The following WDR11 variants were observed in gnomAD, a reference collection of about 807,000 sequenced individuals.
WDR11 encodes WD repeat domain 11, also known as WD repeat-containing protein 11.
Under a neutral mutation model 151.2 loss-of-function variants are expected in WDR11, and 83 were observed. That is an observed-to-expected ratio of 0.55 (90% CI 0.46 to 0.66). The LOEUF (loss-of-function observed/expected upper bound fraction) is 0.66, where lower values mean the gene tolerates loss of function less well. Ranked by LOEUF, WDR11 falls within the 30% of genes least tolerant of loss-of-function variation. The probability of loss-of-function intolerance (pLI) is 0.00; values close to 1 mark genes in which losing one functional copy is unlikely to be tolerated. For missense variants in WDR11, 1,301 were observed against 1,480.9 expected, an observed-to-expected ratio of 0.88 and a Z score of 1.99; for synonymous variants, 484 against 533.1, an observed-to-expected ratio of 0.91 and a Z score of 1.27.
chr10:120,902,766 C>T (rs1303628366), intron 22 of WDR11, among the ~76,000 whole-genome samples: 2 of 151,896 alleles, frequency 1.3e-5, no homozygotes, highest in African/African-American at 4.9e-5. Flanking sequence ...AATCAATGGC[C>T]CACATTGAAA....
At position 120,851,468 on chromosome 10, in the gene WDR11, G is replaced by T; in HGVS notation, c.48G>T (p.Thr16=). 1.9e-6 allele frequency: 3 copies of T among 1,612,268 alleles called. No homozygotes were observed. Among genetic ancestry groups the T allele is most frequent in the Non-Finnish European group, 2.5e-6 (3 of 1,179,756 alleles). ...VNFKVSARTL[T]GALNAHNKAA... is the part of the protein sequence containing the mutation. ...TCAAGGTGTCGGCGCGCACCCTCAC[G>T]GGGGCCCTCAACGCCCACAACAAGG... The change falls in exon 1 of 29, where the codon ACG becomes ACT. Residue 16 remains threonine, a synonymous_variant. Coordinates refer to ENST00000263461, the MANE Select transcript of WDR11 (RefSeq NM_018117.12).
At position 120,865,063 on chromosome 10, in the gene WDR11, C is replaced by T. The variant is rs1473746646; in HGVS notation, c.730C>T (p.Leu244Phe). 2 of 1,613,772 alleles carry T rather than the reference C, an allele frequency of 1.2e-6. No homozygotes were observed. Among genetic ancestry groups the T allele is most frequent in the Non-Finnish European group, 1.7e-6 (2 of 1,179,846 alleles). The change falls in exon 6 of 29, where the codon CTC (leucine) becomes TTC (phenylalanine). Residue 244 changes from leucine (L) to phenylalanine (F), a missense_variant. Around this residue, in one of 3 missense-constraint regions of WDR11, gnomAD observed 692 missense variants for 762.5 expected, o/e 0.91. Transcript: ENST00000263461. ...QEKPSAEFIT[L>F]NDCLQLAYLP... The stretch of plus-strand genomic sequence containing the variant: ...TTTTTTCAGTGCTGAATTCATAACT[C>T]TCAATGATTGCCTTCAGTTGGCATA...
intron 19 of WDR11, among the ~76,000 whole-genome samples, chr10:120,894,426 T>C (rs530295032): frequency 2.9e-4 from 44 of 152,208 alleles, no homozygotes; most frequent in Admixed American, 5.2e-4. Flanking sequence ...GACTTGCCGA[T>C]GTGGGGAGGT....
intron 15 of WDR11, 126 bp downstream of exon 15, chr10:120,886,064 C>A: frequency 8.3e-7 from 1 of 1,207,710 alleles, no homozygotes; most frequent in African/African-American, 1.5e-5. Context: ...TACTTAGTTT[C>A]ATCTTTCAGT....
At position 120,908,419 on chromosome 10, in the gene WDR11, G is replaced by C. The variant is rs1848154135; in HGVS notation, c.3518-137G>C. On this transcript the variant is annotated intron_variant, in intron 28 of 28. Coordinates refer to ENST00000263461, the MANE Select transcript of WDR11 (RefSeq NM_018117.12). ...GCGAAAAGTCTCCTGTGTTCATCCT[G>C]TGCTGCCCGCTGTGGACACCAGGTC... 6 of 877,066 alleles carry C rather than the reference G, an allele frequency of 6.8e-6. No homozygotes were observed. The African/African-American group carries it at 9.9e-5, about 14-fold the overall frequency. The allele number at this position is 877,066 out of a possible 1,614,324, so 54.3% of individuals were successfully genotyped here.
chr10:120,868,833 G>A (rs977576649), intron 9 of WDR11: 1 of 152,136 alleles, frequency 6.6e-6, no homozygotes, highest in Non-Finnish European at 1.5e-5. Context: ...CTTTTGTTCA[G>A]TGATACTTAC....
intron 4 of WDR11, among the ~76,000 whole-genome samples, chr10:120,862,151 T>TG (rs35270762): frequency 0.3 from 45,272 of 150,574 alleles, 7,227 homozygotes; most frequent in East Asian, 0.41. Context: ...TTTTTGTTTT[T>TG]TTTTTTTGAG....
intron 20 of WDR11, 54 bp from the exon 21 acceptor site, chr10:120,900,982 T>TA: frequency 8.0e-7 from 1 of 1,245,172 alleles, no homozygotes; most frequent in Non-Finnish European, 1.2e-6. Flanking sequence ...GGTGAAGAAA[T>TA]ACGTGGTTTT....
chr10:120,900,134 A>C lies in WDR11; in HGVS notation c.2621A>C (p.His874Pro). ...WNGQYSLDIS[H>P]VDYPENEEIK... ...GGACAGTATTCTTTGGACATTTCTC[A>C]TGTGTAAGTTTTTCACTTTTCTTTT... Residue 874 changes from histidine (H) to proline (P), a missense_variant, in exon 20 of 29, where the codon CAT (histidine) becomes CCT (proline). Around this residue, in one of 3 missense-constraint regions of WDR11, gnomAD observed 589 missense variants for 670.6 expected, o/e 0.88. Transcript: ENST00000263461. The C allele has an allele frequency of 1.2e-6, 2 of 1,610,634 alleles. No homozygotes were observed. The highest frequency in any genetic ancestry group is 1.3e-5 in the African/African-American group (1 of 74,936).
At position 120,886,734 on chromosome 10, in the gene WDR11, C is replaced by G. The variant is rs1395064793; in HGVS notation, c.2019C>G (p.Ile673Met). Residue 673 changes from isoleucine to methionine, a missense_variant, in exon 16 of 29, where the codon ATC becomes ATG. Coordinates refer to ENST00000263461, the MANE Select transcript of WDR11 (RefSeq NM_018117.12). Reference protein sequence around the residue: ...AESKSELSQNISAREHFVFTD... With the variant: ...AESKSELSQNMSAREHFVFTD... Reference sequence around the variant, plus strand: ...GTAAATCTGAACTTAGTCAGAACATCTCTGCCCGGGAACATTTTGTATTTA... The same window carrying G: ...GTAAATCTGAACTTAGTCAGAACATGTCTGCCCGGGAACATTTTGTATTTA... The G allele has an allele frequency of 2.5e-6, 4 of 1,614,022 alleles. No homozygotes were observed. The highest frequency in any genetic ancestry group is 3.4e-6 in the Non-Finnish European group (4 of 1,179,972).
At chr10:120,869,785 T>TTTTTA (rs144533860) in intron 9 of WDR11, among the ~76,000 whole-genome samples, 46,425 of 150,892 alleles carry the variant, frequency 0.31, 7,452 homozygotes, top group Admixed American at 0.41. Flanking sequence ...TATTTCATCT[T>TTTTTA]TTTTATTTTA....
intron 23 of WDR11, among the ~76,000 whole-genome samples, chr10:120,903,588 A>G (rs1224687905): frequency 6.6e-6 from 1 of 152,108 alleles, no homozygotes; most frequent in Admixed American, 6.6e-5. Context: ...AGATTTGAAA[A>G]GCTCATAGAC....
At chr10:120,888,127 A>C (rs1417690458) in intron 16 of WDR11, among the ~76,000 whole-genome samples, 1 of 152,226 alleles carries the variant, frequency 6.6e-6, no homozygotes, top group Non-Finnish European at 1.5e-5. Flanking sequence ...TTGTACAATA[A>C]ATGCAAAAAT....
intron 19 of WDR11, among the ~76,000 whole-genome samples, chr10:120,899,227 C>G (rs1019104027): frequency 2.0e-5 from 3 of 152,108 alleles, no homozygotes; most frequent in African/African-American, 7.2e-5. Context: ...AAGATAGCCC[C>G]TGTGTTCAAC....
Position 120,866,890 on chromosome 10 carries a change from G to T in WDR11, c.1190+126G>T, listed in dbSNP as rs1011214604. 1.6e-5 allele frequency: 19 copies of T among 1,180,690 alleles called. No homozygotes were observed. In the African/African-American group the frequency reaches 2.8e-4, roughly 17 times the overall value. 73.1% of individuals were successfully genotyped at this position (1,180,690 alleles called of 1,614,324 possible). A position where few individuals can be genotyped will look rare whatever the true frequency, so the allele number is the denominator to read the frequency against. ...AAATATTTTTAAGGTAATAATTAAGGCTTTAGATTATTAGGGAATTATGTA... is the reference window on the plus strand; with the variant it reads ...AAATATTTTTAAGGTAATAATTAAGTCTTTAGATTATTAGGGAATTATGTA... On this transcript the variant is annotated intron_variant, in intron 8 of 28. Coordinates refer to ENST00000263461, the MANE Select transcript of WDR11 (RefSeq NM_018117.12).
At chr10:120,889,670 A>C in intron 17 of WDR11, 1 of 550,790 alleles carries the variant, frequency 1.8e-6, no homozygotes, top group Non-Finnish European at 3.3e-6. Context: ...CCTTGAGCCA[A>C]GCATTCTTAG....
At chr10:120,861,653 T>C (rs1223186037) in intron 4 of WDR11, among the ~76,000 whole-genome samples, 1 of 152,228 alleles carries the variant, frequency 6.6e-6, no homozygotes, top group Non-Finnish European at 1.5e-5. Context: ...TTTACTCATA[T>C]TGAATGTGCT....
chr10:120,905,941 A>G lies in WDR11; in HGVS notation c.3357A>G (p.Pro1119=), dbSNP rs767387347. The G allele has an allele frequency of 6.2e-7, 1 of 1,614,172 alleles. No individual in the cohort carries two copies. Among genetic ancestry groups the G allele is most frequent in the South Asian group, 1.1e-5 (1 of 91,082 alleles). Residue 1119 remains proline (P), a synonymous_variant, in exon 27 of 29, where the codon CCA becomes CCG. Coordinates refer to ENST00000263461, the MANE Select transcript of WDR11 (RefSeq NM_018117.12). The stretch of plus-strand genomic sequence containing the variant: ...GGTGGGTTGACCACCTTTGTTCTCC[A>G]CAAGTCAATCAGAAATCAAAGGCTC... ...LRRWVDHLCS[P]QVNQKSKALL...
chr10:120,874,190 T>TTTTG (rs796119460), intron 11 of WDR11, among the ~76,000 whole-genome samples: 1,823 of 105,036 alleles, frequency 0.017, 43 homozygotes, highest in East Asian at 0.052. Flanking sequence ...TTTTTTTTTT[T>TTTTG]TTGTTGTTGT....
Sources: gnomAD v4.1 joint callset for allele counts (sites outside exome capture counted in the v4.1 genomes callset) on GRCh38, gnomAD v4.1.1 for gene constraint, gnomAD v4.1.1 regional missense constraint, MANE v1.5 for transcripts, NCBI Gene and HGNC (gene_info 2026-07-23, HGNC 2026-07-21) for gene names.